ARHGAP5: variants seen among roughly 807,000 people sequenced by gnomAD.
ARHGAP5 encodes Rho GTPase activating protein 5, also known as rho GTPase-activating protein 5.
A neutral mutation model predicts 116.6 loss-of-function variants in ARHGAP5; 23 were observed. The ratio of observed to expected loss-of-function variants is 0.20; its 90% CI spans 0.14 to 0.28. ARHGAP5 has a LOEUF of 0.28. ARHGAP5 is among the 10% of genes least tolerant of loss of function. The pLI is 1.00. For synonymous variants in ARHGAP5, 574 were observed against 602.0 expected (o/e 0.95, Z 0.68); for missense variants, 1,405 against 1,774.8 (o/e 0.79, Z 3.74).
At chr14:32,142,990 G>C (rs1482089733) in intron 3 of ARHGAP5, among the ~76,000 whole-genome samples, 1 of 152,090 alleles carries the variant, frequency 6.6e-6, no homozygotes, top group Non-Finnish European at 1.5e-5. Context: ...GTTACCCTTT[G>C]TAATCTATTT....
At chr14:32,154,509 G>A in intron 6 of ARHGAP5, 112 bp from the exon 7 acceptor site, 1 of 997,706 alleles carries the variant, frequency 1.0e-6, no homozygotes, top group Non-Finnish European at 1.4e-6. Context: ...TTAAACCCCA[G>A]GTTTGAAGTA....
intron 1 of ARHGAP5, among the ~76,000 whole-genome samples, chr14:32,090,291 T>G (rs1348768151): frequency 6.6e-6 from 1 of 151,982 alleles, no homozygotes; most frequent in Non-Finnish European, 1.5e-5. Flanking sequence ...TGAGACATTA[T>G]GTTAGATTTT....
Position 32,090,735 on chromosome 14 carries a change from G to T in ARHGAP5, c.66G>T (p.Gly22=). 9.3e-6 allele frequency: 15 copies of T among 1,613,494 alleles called. No individual in the cohort carries two copies. The highest frequency in any genetic ancestry group is 1.3e-5 in the Non-Finnish European group (15 of 1,179,586). Residue 22 remains glycine, a synonymous_variant, in exon 2 of 7, where the codon GGG becomes GGT. Transcript: ENST00000345122. ...SYTISIVGLS[G]TEKDKGNCGV... is the part of the protein sequence containing the mutation. ...CCATCAGTATAGTTGGACTCTCTGG[G>T]ACTGAAAAAGACAAAGGTAACTGTG...
In ARHGAP5 at chr14:32,093,692, C is replaced by A. The variant is rs771874062; in HGVS notation, c.3023C>A (p.Ser1008Tyr). The change falls in exon 2 of 7, where the codon TCC becomes TAC. Residue 1008 changes from serine to tyrosine, a missense_variant. This residue lies in a region of ARHGAP5 where 944 missense variants were observed against 1,095.3 expected (regional missense o/e 0.86). Transcript: ENST00000345122. ...VQLLPTPSDRSRYRLDLEGNE... is the reference protein window; with the variant it reads ...VQLLPTPSDRYRYRLDLEGNE... ...TTGCTTCCAACACCTAGTGACCGTT[C>A]CAGATATAGATTAGATTTGGAAGGA... 2 of 1,613,976 alleles carry A rather than the reference C, an allele frequency of 1.2e-6. No individual in the cohort carries two copies. Among genetic ancestry groups the A allele is most frequent in the Admixed American group, 1.7e-5 (1 of 59,996 alleles).
At position 32,082,903 on chromosome 14, in the gene ARHGAP5, T is replaced by C. The variant is rs374232154; in HGVS notation, c.-169+5468T>C. On this transcript the variant is annotated intron_variant, in intron 1 of 6. Transcript: ENST00000345122. ...TTAGCCTGTAGTATTTGTCTATCTC[T>C]TGGGCTCTGTGCCCAGTCTTGTATT... Among the ~76,000 whole-genome samples the C allele has an allele frequency of 3.6e-3, 551 of 152,386 alleles. 4 individuals are homozygous for C. The highest frequency in any genetic ancestry group is 0.013 in the African/African-American group (524 of 41,600).
chr14:32,116,571 C>T (rs1376247745), intron 2 of ARHGAP5, among the ~76,000 whole-genome samples: 1 of 151,718 alleles, frequency 6.6e-6, no homozygotes, highest in Non-Finnish European at 1.5e-5. Flanking sequence ...CCAGTCTGGG[C>T]GACAGAGTGA....
chr14:32,150,082 G>A (rs753468283), intron 5 of ARHGAP5, 49 bp downstream of exon 5: 13 of 1,448,744 alleles, frequency 9.0e-6, no homozygotes, highest in South Asian at 5.9e-5. Context: ...GGCAGTTTTT[G>A]GATATTGATT....
rs576881483 is a variant in ARHGAP5 at position 32,151,261 on chromosome 14, G to A, written c.4076-1162G>A. On this transcript the variant is annotated intron_variant, in intron 5 of 6. Transcript: ENST00000345122. ...ATGTGTAACAAATGAAATGTTGTTA[G>A]TAATTGGTTATGCTACCATAATGAT... Among the ~76,000 whole-genome samples the A allele has an allele frequency of 1.4e-4, 21 of 152,324 alleles. No individual in the cohort carries two copies. The South Asian group carries it at 4.4e-3, about 32-fold the overall frequency.
Position 32,158,290 on chromosome 14 carries a change from G to A in ARHGAP5, c.*3342G>A, listed in dbSNP as rs1344617300. On this transcript the variant is annotated 3_prime_UTR_variant, in exon 7 of 7. Coordinates refer to ENST00000345122, the MANE Select transcript of ARHGAP5 (RefSeq NM_001030055.2). The stretch of plus-strand genomic sequence containing the variant: ...TTGAATTTTCACTGTACCTGAAAAG[G>A]AGATTCAAAATTTTTTCTGGGGATG... 1 of 151,790 alleles carries A rather than the reference G, an allele frequency of 6.6e-6. No homozygotes were observed. Among genetic ancestry groups the A allele is most frequent in the Non-Finnish European group, 1.5e-5 (1 of 67,782 alleles). The allele number at this position is 151,790 out of a possible 1,614,324, so 9.4% of individuals were successfully genotyped here.
chr14:32,153,455 T>A (rs1402947132), intron 6 of ARHGAP5, among the ~76,000 whole-genome samples: 1 of 133,656 alleles, frequency 7.5e-6, no homozygotes, highest in Admixed American at 7.9e-5. Context: ...AAGATTGTTT[T>A]ATGGAATGCT....
chr14:32,081,827 T>G (rs2138995925), intron 1 of ARHGAP5, among the ~76,000 whole-genome samples: 1 of 152,320 alleles, frequency 6.6e-6, no homozygotes, highest in South Asian at 2.1e-4. Context: ...CTTTTTATAC[T>G]TACCTTTTCA....
intron 3 of ARHGAP5, among the ~76,000 whole-genome samples, chr14:32,138,815 T>C (rs753163492): frequency 7.2e-5 from 11 of 152,228 alleles, no homozygotes; most frequent in Non-Finnish European, 1.2e-4. Flanking sequence ...TCATCACAGC[T>C]AATAAGTATA....
At chr14:32,085,877 G>A (rs1395847688) in intron 1 of ARHGAP5, among the ~76,000 whole-genome samples, 1 of 152,136 alleles carries the variant, frequency 6.6e-6, no homozygotes, top group African/African-American at 2.4e-5. Flanking sequence ...AAATTAGATT[G>A]TTATGCTGGC....
At position 32,159,686 on chromosome 14, in the gene ARHGAP5, G is replaced by T. The variant is rs1882029904; in HGVS notation, c.*4738G>T. On this transcript the variant is annotated 3_prime_UTR_variant, in exon 7 of 7. Coordinates refer to ENST00000345122, the MANE Select transcript of ARHGAP5 (RefSeq NM_001030055.2). Reference sequence around the variant, plus strand: ...CTTAGTTTCTTTTCTCCAGATTCTTGTTATTTTATTTTATCCAAATAAATA... The same window carrying T: ...CTTAGTTTCTTTTCTCCAGATTCTTTTTATTTTATTTTATCCAAATAAATA... 6.6e-6 allele frequency: 1 copy of T among 151,972 alleles called. No individual in the cohort carries two copies. 9.4% of individuals were successfully genotyped at this position (151,972 alleles called of 1,614,324 possible). A position where few individuals can be genotyped will look rare whatever the true frequency, so the allele number is the denominator to read the frequency against.
In ARHGAP5 at chr14:32,093,117, A is replaced by C. The variant is rs1418275641; in HGVS notation, c.2448A>C (p.Leu816=). ...CTCAAGCTGGACAGAATAATTCCCT[A>C]ATGCTTGATAAAATCATTGGTGAAA... is the stretch of plus-strand genomic sequence containing the variant. ...SAAQAGQNNS[L]MLDKIIGEKR... The change falls in exon 2 of 7, where the codon CTA becomes CTC. Residue 816 remains leucine (L), a synonymous_variant. Transcript: ENST00000345122. 1.2e-6 allele frequency: 2 copies of C among 1,613,800 alleles called. No individual in the cohort carries two copies. Among genetic ancestry groups the C allele is most frequent in the East Asian group, 4.5e-5 (2 of 44,890 alleles).
At position 32,154,883 on chromosome 14, in the gene ARHGAP5, C is replaced by T; in HGVS notation, c.4444C>T (p.Pro1482Ser). 1 of 1,614,016 alleles carries T rather than the reference C, an allele frequency of 6.2e-7. No individual in the cohort carries two copies. The highest frequency in any genetic ancestry group is 8.5e-7 in the Non-Finnish European group (1 of 1,179,938). ...GGAACCAATGGTGCCACTTCAGTTGCCGCCACCATTGCAACCTCAGCTGAT... is the reference window on the plus strand; with the variant it reads ...GGAACCAATGGTGCCACTTCAGTTGTCGCCACCATTGCAACCTCAGCTGAT... Reference protein sequence around the residue: ...LVEPMVPLQLPPPLQPQLIQP... With the variant: ...LVEPMVPLQLSPPLQPQLIQP... Residue 1482 changes from proline to serine, a missense_variant, in exon 7 of 7, where the codon CCG (proline) becomes TCG (serine). Pro to Ser is a moderately conservative substitution (Grantham distance 74). Coordinates refer to ENST00000345122, the MANE Select transcript of ARHGAP5 (RefSeq NM_001030055.2).
intron 3 of ARHGAP5, among the ~76,000 whole-genome samples, chr14:32,123,725 G>C (rs1324765385): frequency 6.6e-6 from 1 of 151,876 alleles, no homozygotes; most frequent in African/African-American, 2.4e-5. Context: ...TGGAGAAAAA[G>C]AAAAAAATAG....
chr14:32,092,588 A>C lies in ARHGAP5; in HGVS notation c.1919A>C (p.Lys640Thr). 1 of 1,613,700 alleles carries C rather than the reference A, an allele frequency of 6.2e-7. No individual in the cohort carries two copies. The highest frequency in any genetic ancestry group is 8.5e-7 in the Non-Finnish European group (1 of 1,179,840). Residue 640 changes from lysine (K) to threonine (T), a missense_variant, in exon 2 of 7, where the codon AAA (lysine) becomes ACA (threonine). By Grantham distance (78) the Lys-to-Thr change is moderately conservative. Transcript: ENST00000345122. This position sits in a 1 kb window ranked among gnomAD's most constrained non-coding sequence, Gnocchi z 4.1. Reference protein sequence around the residue: ...YELDLRPVDAKSPYFLSQLWT... With the variant: ...YELDLRPVDATSPYFLSQLWT... ...CTTGATCTTCGGCCGGTTGATGCCA[A>C]ATCGCCTTACTTTTTGAGTCAGTTA...
At chr14:32,082,024 A>G (rs2041781282) in intron 1 of ARHGAP5, among the ~76,000 whole-genome samples, 1 of 152,154 alleles carries the variant, frequency 6.6e-6, no homozygotes, top group African/African-American at 2.4e-5. Context: ...TTAGATTCAC[A>G]AAGGGAGCAA....
Sources: gnomAD v4.1 joint callset for allele counts (sites outside exome capture counted in the v4.1 genomes callset) on GRCh38, gnomAD v4.1.1 for gene constraint, gnomAD v4.1.1 regional missense constraint, Gnocchi (gnomAD v3.1) non-coding constraint, MANE v1.5 for transcripts, NCBI Gene and HGNC (gene_info 2026-07-23, HGNC 2026-07-21) for gene names.